The following ZNF777 variants were observed in gnomAD, a reference collection of about 807,000 sequenced individuals.
ZNF777 encodes the protein zinc finger protein 777.
In ZNF777, 7 loss-of-function variants were observed where a neutral mutation model predicts 72.1. The ratio of observed to expected loss-of-function variants is 0.10; its 90% CI spans 0.06 to 0.18. ZNF777 has a LOEUF of 0.18. Ranked by LOEUF, ZNF777 falls within the 10% of genes least tolerant of loss-of-function variation. ZNF777 has a pLI of 1.00. For synonymous variants in ZNF777, 545 were observed against 483.5 expected (o/e 1.13, Z -1.67); for missense variants, 828 against 1,128.6 (o/e 0.73, Z 3.82).
intron 3 of ZNF777, among the ~76,000 whole-genome samples, chr7:149,453,276 A>C (rs540029628): frequency 1.4e-4 from 21 of 152,270 alleles, no homozygotes; most frequent in African/African-American, 5.1e-4. Context: ...TAAAAAACAC[A>C]ATTAAAAAAA....
intron 1 of ZNF777, among the ~76,000 whole-genome samples, chr7:149,458,774 C>T (rs960997526): frequency 2.6e-5 from 4 of 152,206 alleles, no homozygotes; most frequent in Non-Finnish European, 5.9e-5. Context: ...GCTTATCTTA[C>T]CCTAAGCAGA....
At chr7:149,434,459 G>A (rs77937251) in intron 5 of ZNF777, among the ~76,000 whole-genome samples, 4,369 of 152,338 alleles carry the variant, frequency 0.029, 213 homozygotes, top group African/African-American at 0.099. Context: ...GCTGCAGAGT[G>A]TGGTAACTAG....
intron 4 of ZNF777, among the ~76,000 whole-genome samples, chr7:149,445,582 C>A (rs1318808082): frequency 6.6e-6 from 1 of 152,212 alleles, no homozygotes; most frequent in Non-Finnish European, 1.5e-5. Context: ...GGGTTTAATT[C>A]TGGGTGTTGG....
rs779506437 is a variant in ZNF777, at chr7:149,431,572, C to T, written c.*204G>A. The T allele has an allele frequency of 3.7e-6, 2 of 541,658 alleles. No homozygotes were observed. Among genetic ancestry groups the T allele is most frequent in the African/African-American group, 2.0e-5 (1 of 50,718 alleles). The allele number at this position is 541,658 out of a possible 1,614,324, so 33.6% of individuals were successfully genotyped here. On this transcript the variant is annotated 3_prime_UTR_variant, in exon 6 of 6. Coordinates refer to ENST00000247930, the MANE Select transcript of ZNF777 (RefSeq NM_015694.3). ...GTTCCCCAGGTCCGCGCCCTCCCCC[C>T]TGGGGCCCCCGGGGAAACGCGGCAG...
At position 149,455,167 on chromosome 7, in the gene ZNF777, A is replaced by T. The variant is rs1423676068; in HGVS notation, c.846+10T>A. The T allele has an allele frequency of 1.2e-6, 2 of 1,604,510 alleles. No homozygotes were observed. The highest frequency in any genetic ancestry group is 2.7e-5 in the African/African-American group (2 of 74,354). ...ACTTCCTTGGGAAGCCCCAGTTGGG[A>T]TGTGCTTACCTTGGGAACTTCTCCA... On this transcript the variant is annotated intron_variant, in intron 2 of 5. Transcript: ENST00000247930. The surrounding 1 kb of genome is among the most constrained non-coding windows in gnomAD (Gnocchi z 4.2).
intron 1 of ZNF777, among the ~76,000 whole-genome samples, chr7:149,459,021 T>C (rs1317308951): frequency 2.0e-5 from 3 of 152,224 alleles, no homozygotes; most frequent in African/African-American, 7.2e-5. Context: ...CATGGCATTT[T>C]TTTGAATGAC....
In ZNF777 at chr7:149,432,218, A is replaced by G. The variant is rs1243082290; in HGVS notation, c.2054T>C (p.Val685Ala). 19 of 1,605,604 alleles carry G rather than the reference A, an allele frequency of 1.2e-5. No homozygotes were observed. The highest frequency in any genetic ancestry group is 1.6e-5 in the Non-Finnish European group (19 of 1,179,586). The part of the protein sequence containing the change: ...LHISLVIHQR[V>A]HAGKHEVSFI... ...GGAGACCTCATGCTTGCCCGCGTGC[A>G]CGCGCTGATGGATCACCAAGCTGAT... The change falls in exon 6 of 6, where the codon GTG becomes GCG. Residue 685 changes from valine (V) to alanine (A), a missense_variant. By Grantham distance (64) the Val-to-Ala change is moderately conservative (BLOSUM62 0). Transcript: ENST00000247930.
At chr7:149,444,413 C>T (rs1470256273) in intron 4 of ZNF777, among the ~76,000 whole-genome samples, 1 of 152,128 alleles carries the variant, frequency 6.6e-6, no homozygotes, top group Non-Finnish European at 1.5e-5. Context: ...CTGGGACCTG[C>T]GGAGGTGCCC....
chr7:149,444,563 G>T (rs138412751), intron 4 of ZNF777, among the ~76,000 whole-genome samples: 1 of 152,072 alleles, frequency 6.6e-6, no homozygotes. Context: ...TTGGCAAAGC[G>T]CCTGCCCCAG....
chr7:149,456,181 A>G (rs1208713478), intron 1 of ZNF777, 144 bp from the exon 2 acceptor site: 1 of 780,084 alleles, frequency 1.3e-6, no homozygotes, highest in East Asian at 2.8e-5. Flanking sequence ...TCTCTTCTAG[A>G]GACCACAGCA....
At position 149,436,172 on chromosome 7, in the gene ZNF777, C is replaced by G. The variant is rs1799407783; in HGVS notation, c.1339+403G>C. Among the ~76,000 whole-genome samples the G allele has an allele frequency of 6.6e-6, 1 of 152,184 alleles. No individual in the cohort carries two copies. The highest frequency in any genetic ancestry group is 2.1e-4 in the South Asian group (1 of 4,824). ...GTGCTATTGTTATTTGAAAACCATG[C>G]TCTCCAGGGCTGAAATCTTCAAGGT... is the stretch of plus-strand genomic sequence containing the variant. On this transcript the variant is annotated intron_variant, in intron 5 of 5. Coordinates refer to ENST00000247930, the MANE Select transcript of ZNF777 (RefSeq NM_015694.3). The surrounding 1 kb of genome is among the most constrained non-coding windows in gnomAD (Gnocchi z 5.0).
intron 1 of ZNF777, chr7:149,459,895 G>C: frequency 1.0e-6 from 1 of 974,540 alleles, no homozygotes; most frequent in Non-Finnish European, 1.2e-6. Flanking sequence ...GCCGGGCCGG[G>C]CGTGAGAGCA....
chr7:149,451,544 T>G (rs1344236560), intron 3 of ZNF777, among the ~76,000 whole-genome samples: 1 of 151,854 alleles, frequency 6.6e-6, no homozygotes, highest in Non-Finnish European at 1.5e-5. Flanking sequence ...TGCAAAAAAT[T>G]AGCCAGGCGT....
chr7:149,446,346 G>A (rs367667579), intron 4 of ZNF777, among the ~76,000 whole-genome samples: 9 of 152,076 alleles, frequency 5.9e-5, no homozygotes, highest in African/African-American at 9.6e-5. Context: ...ATTGCACTCC[G>A]GCCTGGCAAC....
At chr7:149,453,132 G>A (rs1372507650) in intron 3 of ZNF777, among the ~76,000 whole-genome samples, 1 of 152,102 alleles carries the variant, frequency 6.6e-6, no homozygotes, top group Admixed American at 6.5e-5. Context: ...GCTTATATCT[G>A]CACATGCAAA....
intron 1 of ZNF777, among the ~76,000 whole-genome samples, chr7:149,456,373 C>A (rs1447810176): frequency 6.6e-6 from 1 of 152,200 alleles, no homozygotes; most frequent in Non-Finnish European, 1.5e-5. Context: ...GCCCTGTCTA[C>A]ACCTATTGCC....
Position 149,436,670 on chromosome 7 carries a change from A to G in ZNF777, c.1244T>C (p.Met415Thr). 1 of 1,614,058 alleles carries G rather than the reference A, an allele frequency of 6.2e-7. No individual in the cohort carries two copies. The highest frequency in any genetic ancestry group is 1.1e-5 in the South Asian group (1 of 91,076). Residue 415 changes from methionine (M) to threonine (T), a missense_variant, in exon 5 of 6, where the codon ATG becomes ACG. Transcript: ENST00000247930. This position sits in a 1 kb window ranked among gnomAD's most constrained non-coding sequence, Gnocchi z 5.0. ...DPCGEQPDLD[M>T]QEPENTLEES... is the part of the protein sequence containing the mutation. ...CTCCAGCGTGTTCTCTGGCTCCTGC[A>G]TGTCCAGGTCTGGCTGTTCCCCACA...
At chr7:149,450,131 C>T (rs1799686966) in intron 4 of ZNF777, among the ~76,000 whole-genome samples, 2 of 152,180 alleles carry the variant, frequency 1.3e-5, no homozygotes, top group African/African-American at 4.8e-5. Flanking sequence ...GCCACACCTG[C>T]CCACGAAGGA....
chr7:149,439,369 C>T (rs1277861327), intron 4 of ZNF777, among the ~76,000 whole-genome samples: 1 of 152,144 alleles, frequency 6.6e-6, no homozygotes, highest in Non-Finnish European at 1.5e-5. Flanking sequence ...CTATGTACTC[C>T]TTTGCACCTT....
Sources: gnomAD v4.1 joint callset for allele counts (sites outside exome capture counted in the v4.1 genomes callset) on GRCh38, gnomAD v4.1.1 for gene constraint, Gnocchi (gnomAD v3.1) non-coding constraint, MANE v1.5 for transcripts, NCBI Gene and HGNC (gene_info 2026-07-23, HGNC 2026-07-21) for gene names.